DAAM1: variants seen among roughly 807,000 people sequenced by gnomAD.
The protein encoded by DAAM1 is disheveled-associated activator of morphogenesis 1.
A neutral mutation model predicts 130.0 loss-of-function variants in DAAM1; 52 were observed. The observed-to-expected ratio is 0.40, with a 90% CI of 0.32 to 0.50. DAAM1 has a LOEUF of 0.50. DAAM1 is among the 20% of genes least tolerant of loss of function. DAAM1 has a pLI of 0.61. For synonymous variants in DAAM1, 452 were observed against 444.5 expected (o/e 1.02, Z -0.21); for missense variants, 1,134 against 1,303.8 (o/e 0.87, Z 2.01).
chr14:59,361,192 T>C (rs1354779403), intron 22 of DAAM1, among the ~76,000 whole-genome samples: 1 of 152,194 alleles, frequency 6.6e-6, no homozygotes, highest in Non-Finnish European at 1.5e-5. Flanking sequence ...TTCCAAGTGC[T>C]GCTAATATAT....
At chr14:59,364,084 TTTTCTC>T (rs1886820645) in intron 23 of DAAM1, among the ~76,000 whole-genome samples, 1 of 152,178 alleles carries the variant, frequency 6.6e-6, no homozygotes, top group Non-Finnish European at 1.5e-5. Flanking sequence ...ACTTTGACAG[TTTTCTC>T]TTGGTTGAAA....
chr14:59,259,952 G>A (rs1594784871), intron 1 of DAAM1, among the ~76,000 whole-genome samples: 1 of 152,330 alleles, frequency 6.6e-6, no homozygotes, highest in East Asian at 1.9e-4. Flanking sequence ...GCTGAGGCAG[G>A]AGAATGGCGT....
Position 59,210,493 on chromosome 14 carries a change from TAAG to T in DAAM1, c.-38+21726_-38+21728del, listed in dbSNP as rs33996693. Among the ~76,000 whole-genome samples the T allele has an allele frequency of 2.3e-3, 352 of 151,340 alleles. 1 individual carries two copies. The highest frequency in any genetic ancestry group is 8.0e-3 in the African/African-American group (334 of 41,524). ...AAGCCAGCACTTTTCATAAATATAATAAGCAGTCATTAAACCCTTTGGAAGGAA... is the reference window on the plus strand; with the variant it reads ...AAGCCAGCACTTTTCATAAATATAATCAGTCATTAAACCCTTTGGAAGGAA... On this transcript the variant is annotated intron_variant, in intron 1 of 24. Coordinates refer to ENST00000360909, the MANE Select transcript of DAAM1 (RefSeq NM_001270520.2).
chr14:59,357,305 T>C (rs1886521215), intron 20 of DAAM1: 2 of 152,192 alleles, frequency 1.3e-5, no homozygotes, highest in Admixed American at 1.3e-4. Flanking sequence ...GCGGCTGGCA[T>C]TTTGCTCACT....
At chr14:59,258,295 A>G (rs1882003736) in intron 1 of DAAM1, among the ~76,000 whole-genome samples, 1 of 152,098 alleles carries the variant, frequency 6.6e-6, no homozygotes, top group South Asian at 2.1e-4. Flanking sequence ...CAGCAAATCA[A>G]GTGTGTTTGG....
intron 2 of DAAM1, 137 bp downstream of exon 2, chr14:59,263,797 A>T: frequency 9.7e-7 from 1 of 1,032,464 alleles, no homozygotes; most frequent in South Asian, 1.4e-5. Flanking sequence ...TTATGTCTGC[A>T]CCCTCACTGT....
At chr14:59,289,975 C>T (rs1195625096) in intron 2 of DAAM1, among the ~76,000 whole-genome samples, 1 of 151,828 alleles carries the variant, frequency 6.6e-6, no homozygotes, top group Non-Finnish European at 1.5e-5. Context: ...AACCTGGGGA[C>T]TTGAACAGGG....
intron 16 of DAAM1, among the ~76,000 whole-genome samples, chr14:59,344,393 T>A (rs1885984055): frequency 6.6e-6 from 1 of 152,210 alleles, no homozygotes; most frequent in Non-Finnish European, 1.5e-5. Context: ...TCCTGCCTTG[T>A]AAAGAAAGTT....
chr14:59,199,945 CAG>C (rs1349671490), intron 1 of DAAM1, among the ~76,000 whole-genome samples: 1 of 152,162 alleles, frequency 6.6e-6, no homozygotes, highest in Non-Finnish European at 1.5e-5. Flanking sequence ...AGCCATTTGA[CAG>C]AGTTTTGGAT....
At chr14:59,325,113 G>A (rs1885157804) in intron 8 of DAAM1, among the ~76,000 whole-genome samples, 1 of 152,138 alleles carries the variant, frequency 6.6e-6, no homozygotes, top group Non-Finnish European at 1.5e-5. Context: ...CAAATTGTTG[G>A]TTCCCTAGTT....
At chr14:59,215,304 C>T (rs1366146441) in intron 1 of DAAM1, among the ~76,000 whole-genome samples, 2 of 152,160 alleles carry the variant, frequency 1.3e-5, no homozygotes, top group African/African-American at 4.8e-5. Flanking sequence ...TATAAAGGAC[C>T]CCTGAGTTAT....
intron 1 of DAAM1, among the ~76,000 whole-genome samples, chr14:59,213,792 G>A (rs1026363851): frequency 6.6e-6 from 1 of 152,222 alleles, no homozygotes; most frequent in Non-Finnish European, 1.5e-5. Flanking sequence ...AGCTGATGCT[G>A]CAGTCGGAAG....
intron 2 of DAAM1, among the ~76,000 whole-genome samples, chr14:59,286,974 CA>C (rs1883491021): frequency 6.6e-6 from 1 of 151,904 alleles, no homozygotes; most frequent in Non-Finnish European, 1.5e-5. Flanking sequence ...GGCAGAGACA[CA>C]AGAAAAAAAG....
intron 1 of DAAM1, among the ~76,000 whole-genome samples, chr14:59,253,293 G>A (rs1392664576): frequency 6.6e-6 from 1 of 152,224 alleles, no homozygotes; most frequent in Non-Finnish European, 1.5e-5. Context: ...GGCTGCCTAT[G>A]TGATATTGTG....
chr14:59,353,993 G>A lies in DAAM1; in HGVS notation c.2356+29G>A, dbSNP rs1384912059. 4 of 1,603,108 alleles carry A rather than the reference G, an allele frequency of 2.5e-6. No homozygotes were observed. The Admixed American group carries it at 6.7e-5, about 27-fold the overall frequency. On this transcript the variant is annotated intron_variant, in intron 19 of 24. Coordinates refer to ENST00000360909, the MANE Select transcript of DAAM1 (RefSeq NM_001270520.2). ...AAGTCAAGCTGTCTAGATTGGAAAT[G>A]ATGTTCATCATTACAACCCATTTAA... is the stretch of plus-strand genomic sequence containing the variant.
rs1001253663 is a variant in DAAM1, at chr14:59,356,074, T to C, written c.2525+741T>C. Reference sequence around the variant, plus strand: ...TGTGTCATTAACAGGGTAGGGTCATTAGGCATATTAACTTGAGTTTCCTTG... The same window carrying C: ...TGTGTCATTAACAGGGTAGGGTCATCAGGCATATTAACTTGAGTTTCCTTG... On this transcript the variant is annotated intron_variant, in intron 20 of 24. Coordinates refer to ENST00000360909, the MANE Select transcript of DAAM1 (RefSeq NM_001270520.2). Among the ~76,000 whole-genome samples, 8 of 152,146 alleles carry C rather than the reference T, an allele frequency of 5.3e-5. 1 individual carries two copies. The highest frequency in any genetic ancestry group is 1.9e-4 in the African/African-American group (8 of 41,420).
intron 12 of DAAM1, 46 bp downstream of exon 12, chr14:59,327,037 G>T (rs1461125578): frequency 1.9e-6 from 3 of 1,603,418 alleles, no homozygotes; most frequent in Non-Finnish European, 2.6e-6. Flanking sequence ...TGGTTATTGG[G>T]TGACCTTGAT....
At chr14:59,357,083 T>C (rs1566722064) in intron 20 of DAAM1, among the ~76,000 whole-genome samples, 1 of 152,232 alleles carries the variant, frequency 6.6e-6, no homozygotes, top group Admixed American at 6.5e-5. Context: ...AAGAATCAAA[T>C]GTGTGGCTGT....
At chr14:59,346,684 CAAGATTTTT>C (rs1215533930) in intron 16 of DAAM1, among the ~76,000 whole-genome samples, 3 of 152,072 alleles carry the variant, frequency 2.0e-5, no homozygotes, top group African/African-American at 4.8e-5. Flanking sequence ...ATAATGTGAT[CAAGATTTTT>C]TTCCCCTGGG....
Sources: gnomAD v4.1 joint callset for allele counts (sites outside exome capture counted in the v4.1 genomes callset) on GRCh38, gnomAD v4.1.1 for gene constraint, MANE v1.5 for transcripts, NCBI Gene and HGNC (gene_info 2026-07-23, HGNC 2026-07-21) for gene names.